The following IRF2 variants were observed in gnomAD, a reference collection of about 807,000 sequenced individuals.
IRF2 encodes interferon regulatory factor 2.
Under a neutral mutation model 40.6 loss-of-function variants are expected in IRF2, and 15 were observed. That is an observed-to-expected ratio of 0.37 (90% confidence interval 0.25 to 0.57). The LOEUF is 0.57. Among genes scored for constraint, IRF2 ranks in the 20% least tolerant of loss-of-function variants. IRF2 has a pLI of 0.77. For missense variants in IRF2, 317 were observed against 455.7 expected (o/e 0.70, Z 2.77); for synonymous variants, 151 against 165.5 (o/e 0.91, Z 0.67).
intron 5 of IRF2, among the ~76,000 whole-genome samples, chr4:184,409,196 A>G (rs1260877183): frequency 1.3e-5 from 2 of 152,202 alleles, no homozygotes; most frequent in Non-Finnish European, 2.9e-5. Flanking sequence ...GAAGGAACAC[A>G]GGACTGGAAG....
intron 2 of IRF2, among the ~76,000 whole-genome samples, chr4:184,424,235 T>C (rs1228747478): frequency 6.6e-6 from 1 of 152,160 alleles, no homozygotes; most frequent in Non-Finnish European, 1.5e-5. Flanking sequence ...GTCTCATTCA[T>C]GAGCTGGTTA....
At chr4:184,472,839 C>T (rs983274509) in intron 1 of IRF2, among the ~76,000 whole-genome samples, 3 of 152,242 alleles carry the variant, frequency 2.0e-5, no homozygotes, top group Non-Finnish European at 4.4e-5. Context: ...GGGCGTTTCA[C>T]CTGGTGCCCG....
At chr4:184,440,088 C>T (rs3775567) in intron 1 of IRF2, among the ~76,000 whole-genome samples, 10,313 of 152,260 alleles carry the variant, frequency 0.068, 616 homozygotes, top group East Asian at 0.27. Flanking sequence ...TGCAAGAACA[C>T]GAATGGGAAA....
chr4:184,405,152 G>A (rs566660656), intron 6 of IRF2, among the ~76,000 whole-genome samples: 1 of 152,198 alleles, frequency 6.6e-6, no homozygotes, highest in Non-Finnish European at 1.5e-5. Flanking sequence ...GCTGAGGCAG[G>A]AGAATCGCTT....
chr4:184,452,784 A>AAAAAAAAAAAAC (rs1738767941), intron 1 of IRF2, among the ~76,000 whole-genome samples: 1 of 149,178 alleles, frequency 6.7e-6, no homozygotes, highest in Non-Finnish European at 1.5e-5. Flanking sequence ...AAAAAAAAAA[A>AAAAAAAAAAAAC]AAAAAAAAAA....
intron 1 of IRF2, among the ~76,000 whole-genome samples, chr4:184,440,540 C>T (rs1158301396): frequency 6.6e-6 from 1 of 152,274 alleles, no homozygotes; most frequent in Non-Finnish European, 1.5e-5. Flanking sequence ...GTCTTGTTTG[C>T]TCACACTGCA....
intron 1 of IRF2, chr4:184,431,821 A>C (rs915502681): frequency 1.3e-5 from 2 of 151,746 alleles, no homozygotes; most frequent in South Asian, 2.1e-4. Context: ...CTCAGAATAT[A>C]ATATTTCCTC....
intron 2 of IRF2, among the ~76,000 whole-genome samples, chr4:184,419,934 A>T (rs1249858350): frequency 1.3e-5 from 2 of 152,162 alleles, no homozygotes; most frequent in Non-Finnish European, 2.9e-5. Flanking sequence ...GTGGCGCGAT[A>T]TCGGCTCACT....
At chr4:184,432,092 A>C (rs1415085672) in intron 1 of IRF2, 1 of 152,256 alleles carries the variant, frequency 6.6e-6, no homozygotes, top group Non-Finnish European at 1.5e-5. Context: ...CACCAAGACA[A>C]AAAACCCAAC....
chr4:184,394,067 C>A (rs1004502709), intron 7 of IRF2, among the ~76,000 whole-genome samples: 18 of 152,148 alleles, frequency 1.2e-4, no homozygotes, highest in African/African-American at 4.1e-4. Context: ...TTACTTACTT[C>A]GAATACAATG....
intron 2 of IRF2, among the ~76,000 whole-genome samples, chr4:184,424,561 T>C (rs11933810): frequency 0.068 from 10,425 of 152,204 alleles, 761 homozygotes; most frequent in East Asian, 0.21. Flanking sequence ...CACGTGAGCA[T>C]GCTCTTTCCC....
At chr4:184,400,890 A>G (rs1034391438) in intron 6 of IRF2, among the ~76,000 whole-genome samples, 4 of 152,260 alleles carry the variant, frequency 2.6e-5, no homozygotes, top group African/African-American at 7.2e-5. Context: ...GCTTCAATAA[A>G]TAAAGGTGAA....
chr4:184,415,906 A>T (rs1737249635), intron 5 of IRF2, among the ~76,000 whole-genome samples: 1 of 152,234 alleles, frequency 6.6e-6, no homozygotes, highest in African/African-American at 2.4e-5. Flanking sequence ...GAGCTAGATA[A>T]TGGGAAAAGA....
intron 2 of IRF2, among the ~76,000 whole-genome samples, chr4:184,426,151 GA>G (rs1309312207): frequency 6.6e-6 from 1 of 152,156 alleles, no homozygotes; most frequent in East Asian, 1.9e-4. Context: ...AAGTAGCTGG[GA>G]TTACAGGCAC....
rs764237647 is a variant in IRF2 at position 184,390,678 on chromosome 4, G to A, written c.741+25C>T. ...CGGGAGGCTTTTCCTTGGCAGCATC[G>A]TGGGCAGGCTGGGCAGTGGCTTACC... On this transcript the variant is annotated intron_variant, in intron 8 of 8. Transcript: ENST00000393593. 3.2e-5 allele frequency: 52 copies of A among 1,613,438 alleles called. No homozygotes were observed. In the East Asian group the frequency reaches 3.3e-4, roughly 10 times the overall value.
intron 1 of IRF2, among the ~76,000 whole-genome samples, chr4:184,457,099 C>G (rs1001017114): frequency 1.3e-5 from 2 of 152,190 alleles, no homozygotes; most frequent in African/African-American, 4.8e-5. Flanking sequence ...TGGAATAATG[C>G]CTCCCAAGTA....
chr4:184,430,254 G>A (rs1295877455), intron 1 of IRF2, among the ~76,000 whole-genome samples: 1 of 152,112 alleles, frequency 6.6e-6, no homozygotes, highest in Non-Finnish European at 1.5e-5. Context: ...CAGCCCCTGG[G>A]CCTCACCCTG....
At chr4:184,467,920 A>G (rs937965195) in intron 1 of IRF2, among the ~76,000 whole-genome samples, 3 of 152,206 alleles carry the variant, frequency 2.0e-5, no homozygotes, top group African/African-American at 7.2e-5. Context: ...AAAATCCTAA[A>G]TTAAGGTATT....
intron 1 of IRF2, among the ~76,000 whole-genome samples, chr4:184,440,864 G>A (rs1380329847): frequency 6.6e-6 from 1 of 152,168 alleles, no homozygotes. Context: ...TGTTTGAGGA[G>A]AGATACTGAG....
Sources: allele counts gnomAD v4.1 joint callset (sites outside exome capture counted in the v4.1 genomes callset), GRCh38; gene constraint gnomAD v4.1.1; transcripts MANE v1.5; gene names NCBI Gene and HGNC (gene_info 2026-07-23, HGNC 2026-07-21).